The following AMD1 variants were observed in gnomAD, a reference collection of about 807,000 sequenced individuals.
AMD1 encodes S-adenosylmethionine decarboxylase proenzyme.
In AMD1, 11 loss-of-function variants were observed where a neutral mutation model predicts 40.2. The ratio of observed to expected loss-of-function variants is 0.27; its 90% confidence interval spans 0.17 to 0.45. The LOEUF (loss-of-function observed/expected upper bound fraction) is 0.45. AMD1 is among the 20% of genes least tolerant of loss of function. AMD1 has a pLI of 1.00. For missense variants in AMD1, 257 were observed against 410.2 expected (o/e 0.63, Z 3.23); for synonymous variants, 121 against 130.8 (o/e 0.93, Z 0.51).
the AMD1 span, among the ~76,000 whole-genome samples, chr6:110,849,501 C>A: frequency 1.3e-5 from 2 of 152,106 alleles, no homozygotes; most frequent in African/African-American, 2.4e-5. Flanking sequence ...TCTTTTGAAT[C>A]CAGCTCTTTA....
the AMD1 span, among the ~76,000 whole-genome samples, chr6:110,835,690 A>C: frequency 6.6e-6 from 1 of 152,040 alleles, no homozygotes; most frequent in Non-Finnish European, 1.5e-5. Flanking sequence ...ACATGGTGAA[A>C]TTATGTCTCT....
chr6:110,821,691 A>G, the AMD1 span, among the ~76,000 whole-genome samples: 1 of 152,228 alleles, frequency 6.6e-6, no homozygotes, highest in Non-Finnish European at 1.5e-5. Flanking sequence ...TGTTCAAGTT[A>G]AAAGGAAAGG....
At chr6:110,830,261 A>G in the AMD1 span, among the ~76,000 whole-genome samples, 1 of 151,970 alleles carries the variant, frequency 6.6e-6, no homozygotes, top group Non-Finnish European at 1.5e-5. Context: ...TGATCCGCCC[A>G]CCTGAGCCTC....
At chr6:110,858,600 A>T in the AMD1 span, 1 of 1,577,262 alleles carries the variant, frequency 6.3e-7, no homozygotes, top group Non-Finnish European at 8.7e-7. Context: ...ACGCAGCTGC[A>T]GGTGTCTCTT....
chr6:110,822,784 A>T, the AMD1 span, among the ~76,000 whole-genome samples: 2 of 152,212 alleles, frequency 1.3e-5, no homozygotes, highest in African/African-American at 4.8e-5. Context: ...AATATACACA[A>T]GTCAATAGAT....
At chr6:110,857,676 C>CATAT in the AMD1 span, among the ~76,000 whole-genome samples, 23 of 134,934 alleles carry the variant, frequency 1.7e-4, no homozygotes, top group South Asian at 3.0e-3. Context: ...ATACAGATGG[C>CATAT]ATATATATAT....
At chr6:110,858,100 T>A in the AMD1 span, 2 of 475,444 alleles carry the variant, frequency 4.2e-6, no homozygotes, top group East Asian at 8.8e-5. Flanking sequence ...CATCTTGGCC[T>A]CCCAACGTGC....
the AMD1 span, among the ~76,000 whole-genome samples, chr6:110,868,329 T>TA: frequency 6.6e-6 from 1 of 152,054 alleles, no homozygotes; most frequent in African/African-American, 2.4e-5. Flanking sequence ...TTTGTATTTT[T>TA]ATTAGAGACA....
chr6:110,814,851 A>C, the AMD1 span: 1 of 931,562 alleles, frequency 1.1e-6, no homozygotes, highest in Non-Finnish European at 1.6e-6. Flanking sequence ...GGCGGGCGGA[A>C]CGGGCGCCCC....
At chr6:110,883,672 A>G (rs1374289208) in intron 1 of AMD1, among the ~76,000 whole-genome samples, 1 of 152,104 alleles carries the variant, frequency 6.6e-6, no homozygotes, top group Non-Finnish European at 1.5e-5. Context: ...GCTCACTGCA[A>G]GCTCCGCCTT....
At chr6:110,814,834 C>T in the AMD1 span, 1 of 825,074 alleles carries the variant, frequency 1.2e-6, no homozygotes, top group Admixed American at 2.2e-5. Flanking sequence ...CGGGGCCGCG[C>T]GGGGGAGGCG....
the AMD1 span, among the ~76,000 whole-genome samples, chr6:110,842,143 C>T: frequency 6.6e-6 from 1 of 152,160 alleles, no homozygotes; most frequent in African/African-American, 2.4e-5. Flanking sequence ...ATAGCCCAGA[C>T]TCAAACTACC....
chr6:110,866,507 C>T, the AMD1 span, among the ~76,000 whole-genome samples: 2 of 152,098 alleles, frequency 1.3e-5, no homozygotes, highest in Non-Finnish European at 2.9e-5. Flanking sequence ...ACAGACCACG[C>T]TAGCAAAACA....
At chr6:110,815,271 G>T in the AMD1 span, 3 of 1,033,888 alleles carry the variant, frequency 2.9e-6, no homozygotes, top group Non-Finnish European at 3.8e-6. Context: ...CCCGCCGCCC[G>T]CCGCTCCGCG....
chr6:110,833,580 G>C, the AMD1 span, among the ~76,000 whole-genome samples: 50 of 152,270 alleles, frequency 3.3e-4, no homozygotes, highest in Middle Eastern at 0.01. Context: ...TTCTCTATAA[G>C]TATAACTCAG....
chr6:110,859,839 T>TTTGTTGTTGTTGATGTTG, the AMD1 span, among the ~76,000 whole-genome samples: 1 of 151,906 alleles, frequency 6.6e-6, no homozygotes, highest in Admixed American at 6.6e-5. Flanking sequence ...CTCAGTAGGT[T>TTTGTTGTTGTTGATGTTG]TTGTTGTTGT....
intron 1 of AMD1, among the ~76,000 whole-genome samples, chr6:110,883,085 ATTG>A (rs1785495128): frequency 6.6e-6 from 1 of 152,142 alleles, no homozygotes; most frequent in African/African-American, 2.4e-5. Flanking sequence ...TGATTGTGCC[ATTG>A]TTCTCCAGCC....
the AMD1 span, among the ~76,000 whole-genome samples, chr6:110,854,028 G>A: frequency 6.6e-6 from 1 of 152,196 alleles, no homozygotes; most frequent in African/African-American, 2.4e-5. Context: ...AGGGGTGAAG[G>A]AAAATCCAGT....
At chr6:110,858,319 C>G in the AMD1 span, 2 of 720,826 alleles carry the variant, frequency 2.8e-6, no homozygotes, top group South Asian at 3.1e-5. Context: ...GCAAATATGA[C>G]CCCCAGAAGG....
Sources: gnomAD v4.1 joint callset for allele counts (sites outside exome capture counted in the v4.1 genomes callset) on GRCh38, gnomAD v4.1.1 for gene constraint, MANE v1.5 for transcripts, NCBI Gene and HGNC (gene_info 2026-07-23, HGNC 2026-07-21) for gene names.